Variants in PAK1 observed in about 807,000 individuals in gnomAD.
The protein encoded by PAK1 is p21 (RAC1) activated kinase 1.
In PAK1, 29 loss-of-function variants were observed where a neutral mutation model predicts 67.4. The observed-to-expected ratio is 0.43, with a 90% confidence interval of 0.32 to 0.59. The LOEUF (loss-of-function observed/expected upper bound fraction) is 0.59, where lower values mean the gene tolerates loss of function less well. Among genes scored for constraint, PAK1 ranks in the 20% least tolerant of loss-of-function variants. PAK1 has a pLI of 0.07. For synonymous variants in PAK1, 223 were observed against 237.4 expected (o/e 0.94, Z 0.56); for missense variants, 337 against 670.7 (o/e 0.50, Z 5.50).
At chr11:77,489,829 C>T in the PAK1 span, among the ~76,000 whole-genome samples, 4 of 152,124 alleles carry the variant, frequency 2.6e-5, no homozygotes, top group African/African-American at 9.7e-5. Context: ...CCTGCCTTGG[C>T]CTCCCAAAGT....
rs566874549 is a variant in PAK1 at position 77,429,056 on chromosome 11, T to TAAAAAAAAAA, written c.-21-36525_-21-36516dup. 1.7e-3 allele frequency among the ~76,000 whole-genome samples: 84 copies of TAAAAAAAAAA among 48,962 alleles called. 23 individuals carry two copies. Among genetic ancestry groups the TAAAAAAAAAA allele is most frequent in the Non-Finnish European group, 2.0e-3 (62 of 31,484 alleles). The allele number at this position is 48,962 out of a possible 152,430, so 32.1% of individuals were successfully genotyped here. A position where few individuals can be genotyped will look rare whatever the true frequency, so the allele number is the denominator to read the frequency against. ...TTGGATTCTAAATGCCATTTAATAC[T>TAAAAAAAAAA]AAAAAAAAAAAAAAAAAAAAAAAAA... On this transcript the variant is annotated intron_variant, in intron 1 of 14. Coordinates refer to ENST00000356341, the MANE Select transcript of PAK1 (RefSeq NM_002576.5).
chr11:77,331,000 G>T (rs1054844070), intron 14 of PAK1, among the ~76,000 whole-genome samples: 7 of 152,172 alleles, frequency 4.6e-5, no homozygotes, highest in Admixed American at 3.9e-4. Context: ...CTTCTCAAAA[G>T]AAGACATTTA....
chr11:77,345,175 T>G (rs1944220302), intron 9 of PAK1, among the ~76,000 whole-genome samples: 1 of 152,162 alleles, frequency 6.6e-6, no homozygotes, highest in Non-Finnish European at 1.5e-5. Context: ...AGTGTGTATG[T>G]TTGTGTGTAT....
chr11:77,478,747 T>C (rs1958086042), upstream of PAK1, among the ~76,000 whole-genome samples: 1 of 150,730 alleles, frequency 6.6e-6, no homozygotes, highest in Non-Finnish European at 1.5e-5. Flanking sequence ...GCCACTGCAC[T>C]CCAGCCTGGT....
intron 14 of PAK1, among the ~76,000 whole-genome samples, chr11:77,324,814 A>G (rs1372566599): frequency 2.0e-5 from 3 of 151,480 alleles, no homozygotes; most frequent in Admixed American, 1.3e-4. Context: ...GAGAAAGAGA[A>G]AGAGAGAGAA....
At chr11:77,392,577 T>C in intron 1 of PAK1, 36 bp from the exon 2 acceptor site, 1 of 1,475,482 alleles carries the variant, frequency 6.8e-7, no homozygotes, top group Non-Finnish European at 9.1e-7. Context: ...AACTCTTTTA[T>C]TATTTTTGAC....
At chr11:77,458,375 G>A (rs992580494) in intron 1 of PAK1, among the ~76,000 whole-genome samples, 16 of 152,124 alleles carry the variant, frequency 1.1e-4, no homozygotes, top group Non-Finnish European at 1.5e-4. Flanking sequence ...TTTCCCAAGG[G>A]TCTCTTTTAA....
At chr11:77,527,628 C>T in the PAK1 span, among the ~76,000 whole-genome samples, 1 of 152,128 alleles carries the variant, frequency 6.6e-6, no homozygotes, top group Middle Eastern at 3.2e-3. Context: ...CAAGATCTTT[C>T]CATTGGTCTG....
In PAK1 at chr11:77,322,854, T is replaced by C. The variant is rs527587146; in HGVS notation, c.*420A>G. The stretch of plus-strand genomic sequence containing the variant: ...ACAATGAGGTGTCTGGGCAGTTGAG[T>C]CACAGAAAAGCAAGCACTAAAGAAA... On this transcript the variant is annotated 3_prime_UTR_variant, in exon 15 of 15. Transcript: ENST00000356341. The C allele has an allele frequency of 8.3e-6, 4 of 482,008 alleles. No individual in the cohort carries two copies. In the South Asian group the frequency reaches 1.1e-4, roughly 13 times the overall value. The allele number at this position is 482,008 out of a possible 1,614,324, so 29.9% of individuals were successfully genotyped here. A position where few individuals can be genotyped will look rare whatever the true frequency, so the allele number is the denominator to read the frequency against.
chr11:77,381,847 G>A (rs1344338437), intron 2 of PAK1, among the ~76,000 whole-genome samples: 1 of 152,178 alleles, frequency 6.6e-6, no homozygotes, highest in African/African-American at 2.4e-5. Flanking sequence ...CCAAGTGCTA[G>A]GGTTTAAGCT....
At chr11:77,431,985 AAGTT>A (rs1955882467) in intron 1 of PAK1, among the ~76,000 whole-genome samples, 1 of 152,144 alleles carries the variant, frequency 6.6e-6, no homozygotes, top group Non-Finnish European at 1.5e-5. Flanking sequence ...TTGTACTCTA[AAGTT>A]TAAGCCTGTG....
intron 5 of PAK1, among the ~76,000 whole-genome samples, chr11:77,364,912 G>A (rs1947288512): frequency 6.6e-6 from 1 of 152,136 alleles, no homozygotes; most frequent in South Asian, 2.1e-4. Flanking sequence ...AAACTCACCA[G>A]AGAGCTAAAC....
chr11:77,504,063 T>C, the PAK1 span, among the ~76,000 whole-genome samples: 3 of 152,146 alleles, frequency 2.0e-5, no homozygotes, highest in African/African-American at 7.2e-5. Context: ...AGTTAATTTT[T>C]GTATTTTTAA....
chr11:77,360,158 C>G (rs1480588029), intron 5 of PAK1, among the ~76,000 whole-genome samples: 1 of 152,124 alleles, frequency 6.6e-6, no homozygotes, highest in Non-Finnish European at 1.5e-5. Flanking sequence ...GAATAATATA[C>G]TAGAGGTACT....
At chr11:77,401,438 G>A (rs1479115054) in intron 1 of PAK1, among the ~76,000 whole-genome samples, 1 of 152,108 alleles carries the variant, frequency 6.6e-6, no homozygotes, top group East Asian at 1.9e-4. Context: ...TTCCTCTTAG[G>A]TAAAACGCAA....
At chr11:77,347,860 GAC>G (rs1446383870) in intron 9 of PAK1, among the ~76,000 whole-genome samples, 1 of 152,092 alleles carries the variant, frequency 6.6e-6, no homozygotes, top group East Asian at 1.9e-4. Context: ...CACTTTCGTG[GAC>G]ATTTTATTAT....
At chr11:77,331,415 G>T (rs1289299019) in intron 14 of PAK1, among the ~76,000 whole-genome samples, 1 of 152,206 alleles carries the variant, frequency 6.6e-6, no homozygotes, top group African/African-American at 2.4e-5. Flanking sequence ...ACTGGATTAA[G>T]AAAATGTGGC....
chr11:77,370,865 TTAAAA>T (rs1260598005), intron 5 of PAK1, among the ~76,000 whole-genome samples: 2 of 152,196 alleles, frequency 1.3e-5, no homozygotes, highest in Non-Finnish European at 2.9e-5. Context: ...AATCTTCTAC[TTAAAA>T]TAGTCCCTCA....
chr11:77,466,933 T>C (rs978385448), intron 1 of PAK1, among the ~76,000 whole-genome samples: 3 of 152,304 alleles, frequency 2.0e-5, no homozygotes, highest in South Asian at 2.1e-4. Flanking sequence ...ACCCAGGGGA[T>C]TGTCCAAAGA....
Sources: gnomAD v4.1 joint callset for allele counts (sites outside exome capture counted in the v4.1 genomes callset) on GRCh38, gnomAD v4.1.1 for gene constraint, MANE v1.5 for transcripts, NCBI Gene and HGNC (gene_info 2026-07-23, HGNC 2026-07-21) for gene names.